Variants in CDH23 observed in about 807,000 individuals in gnomAD.
The protein encoded by CDH23 is cadherin related 23.
In CDH23, 189 loss-of-function variants were observed where a neutral mutation model predicts 317.1. That is an observed-to-expected ratio of 0.60 (90% CI 0.53 to 0.67). The LOEUF is 0.67. CDH23 is among the 30% of genes least tolerant of loss of function. The pLI, the probability that CDH23 is intolerant of heterozygous loss-of-function variation, is 0.00. For missense variants in CDH23, 4,401 were observed against 4,592.4 expected (o/e 0.96, Z 1.20); for synonymous variants, 1,839 against 1,876.8 (o/e 0.98, Z 0.52).
At chr10:71,787,453 A>G (rs1433807616) in intron 44 of CDH23, among the ~76,000 whole-genome samples, 2 of 151,532 alleles carry the variant, frequency 1.3e-5, no homozygotes, top group Admixed American at 6.6e-5. Flanking sequence ...ATTATGTCCA[A>G]TGTTCACTGA....
intron 28 of CDH23, chr10:71,717,247 G>A (rs1298164561): frequency 6.6e-6 from 1 of 152,262 alleles, no homozygotes; most frequent in Non-Finnish European, 1.5e-5. Context: ...AGTAGGGTGG[G>A]GTGGGGCAGC....
In CDH23 at chr10:71,725,508, G is replaced by T; in HGVS notation, c.3567G>T (p.Arg1189=). 6.2e-7 allele frequency: 1 copy of T among 1,613,366 alleles called. No individual in the cohort carries two copies. Among genetic ancestry groups the T allele is most frequent in the Non-Finnish European group, 8.5e-7 (1 of 1,179,646 alleles). The stretch of plus-strand genomic sequence containing the variant: ...ACAACCACGACCTGGGCCCCATGCG[G>T]AGCTCCGTCAGGGTGAGGCTAGGGG... ...EAYNHDLGPM[R]SSVRVIVYVE... is the part of the protein sequence containing the mutation. Residue 1189 remains arginine (R), a synonymous_variant, in exon 30 of 70, where the codon CGG becomes CGT. Coordinates refer to ENST00000224721, the MANE Select transcript of CDH23 (RefSeq NM_022124.6).
chr10:71,522,888 T>G (rs892569063), intron 6 of CDH23, among the ~76,000 whole-genome samples: 7 of 152,148 alleles, frequency 4.6e-5, no homozygotes, highest in African/African-American at 1.7e-4. Context: ...TCCTTCCAGT[T>G]GGTAAGAAAG....
At chr10:71,729,197 AACTT>A (rs1168399143) in intron 30 of CDH23, among the ~76,000 whole-genome samples, 1 of 152,168 alleles carries the variant, frequency 6.6e-6, no homozygotes, top group Non-Finnish European at 1.5e-5. Flanking sequence ...TCATAAAGAG[AACTT>A]AGTGCTGGTA....
chr10:71,631,333 T>C lies in CDH23; in HGVS notation c.1135-12528T>C, dbSNP rs568299012. 1.5e-3 allele frequency among the ~76,000 whole-genome samples: 234 copies of C among 152,270 alleles called. 2 individuals carry two copies. Among genetic ancestry groups the C allele is most frequent in the Non-Finnish European group, 1.1e-3 (76 of 68,034 alleles). ...ATAGAGCAGAAAGGAGACTGGGGAC[T>C]GGGCAGCCCCAGGACACCCTGATGC... On this transcript the variant is annotated intron_variant, in intron 11 of 69. Coordinates refer to ENST00000224721, the MANE Select transcript of CDH23 (RefSeq NM_022124.6).
At position 71,448,610 on chromosome 10, in the gene CDH23, C is replaced by T. The variant is rs1164055750; in HGVS notation, c.145+2215C>T. On this transcript the variant is annotated intron_variant, in intron 3 of 69. Transcript: ENST00000224721. ...TTTCACCTGAAAGTCAGGAGCCCAA[C>T]ATCTGTTTCTCGCTGTGTAACCTTG... is the stretch of plus-strand genomic sequence containing the variant. Among the ~76,000 whole-genome samples the T allele has an allele frequency of 6.6e-5, 10 of 152,322 alleles. No individual in the cohort carries two copies. The East Asian group carries it at 1.7e-3, about 26-fold the overall frequency.
At position 71,732,192 on chromosome 10, in the gene CDH23, G is replaced by A. The variant is rs376660937; in HGVS notation, c.3921G>A (p.Leu1307=). The change falls in exon 32 of 70, where the codon CTG becomes CTA. Residue 1307 remains leucine (L), a synonymous_variant. Transcript: ENST00000224721. ...TCTACATCACTCTGCTCAACGAGCT[G>A]GACGAGGCCGTGCAGTTCTCCAATG... The part of the protein sequence containing the change: ...CSVYITLLNE[L]DEAVQFSNAS... The A allele has an allele frequency of 1.1e-5, 17 of 1,613,894 alleles. No individual in the cohort carries two copies. The highest frequency in any genetic ancestry group is 6.7e-5 in the African/African-American group (5 of 75,050).
intron 14 of CDH23, among the ~76,000 whole-genome samples, chr10:71,670,156 CA>C (rs997203195): frequency 2.6e-5 from 4 of 152,208 alleles, no homozygotes; most frequent in African/African-American, 9.6e-5. Context: ...GGAGCCTCGG[CA>C]GGGGCCAGGG....
chr10:71,812,512 G>T lies in CDH23; in HGVS notation c.9413G>T (p.Arg3138Leu). The T allele has an allele frequency of 1.2e-6, 2 of 1,613,404 alleles. No homozygotes were observed. Among genetic ancestry groups the T allele is most frequent in the South Asian group, 2.2e-5 (2 of 91,084 alleles). ...CCTGTGTGGCTGGATCCCTTCTGTC[G>T]GAACCTGGAGCTGGCCGCCCAGGCG... Reference protein sequence around the residue: ...ANPVWLDPFCRNLELAAQAEH... With the variant: ...ANPVWLDPFCLNLELAAQAEH... Residue 3138 changes from arginine to leucine, a missense_variant, in exon 67 of 70, where the codon CGG becomes CTG. Arg to Leu is a moderately radical substitution (Grantham distance 102). This residue lies in a region of CDH23 where 1,144 missense variants were observed against 1,138.2 expected (regional missense o/e 1.01). Transcript: ENST00000224721.
At chr10:71,770,348 T>A (rs982360436) in intron 38 of CDH23, among the ~76,000 whole-genome samples, 1 of 152,232 alleles carries the variant, frequency 6.6e-6, no homozygotes, top group Non-Finnish European at 1.5e-5. Flanking sequence ...GAATAACTTG[T>A]CCAATATCAC....
intron 1 of CDH23, among the ~76,000 whole-genome samples, chr10:71,408,182 T>A (rs1381417835): frequency 6.6e-6 from 1 of 152,154 alleles, no homozygotes; most frequent in Non-Finnish European, 1.5e-5. Flanking sequence ...CAATTTGACA[T>A]CCATCTTTTT....
intron 6 of CDH23, among the ~76,000 whole-genome samples, chr10:71,565,089 G>A (rs1484202519): frequency 6.6e-6 from 1 of 152,124 alleles, no homozygotes; most frequent in Non-Finnish European, 1.5e-5. Context: ...CCCATGAAGT[G>A]TTTCGTTCTG....
At chr10:71,451,200 C>G (rs928168540) in intron 3 of CDH23, among the ~76,000 whole-genome samples, 12 of 152,152 alleles carry the variant, frequency 7.9e-5, no homozygotes, top group African/African-American at 2.7e-4. Flanking sequence ...ACTCCCATCA[C>G]CAAGGTCCAA....
At chr10:71,524,462 G>A (rs374686443) in intron 6 of CDH23, among the ~76,000 whole-genome samples, 7 of 152,292 alleles carry the variant, frequency 4.6e-5, no homozygotes, top group Admixed American at 2.0e-4. Flanking sequence ...GTCTGGCCTC[G>A]TCAGTCAAAG....
chr10:71,419,298 G>A (rs1801419832), intron 1 of CDH23, among the ~76,000 whole-genome samples: 1 of 152,170 alleles, frequency 6.6e-6, no homozygotes, highest in Non-Finnish European at 1.5e-5. Flanking sequence ...TGACCTTGAG[G>A]GGGAATGGAG....
intron 3 of CDH23, among the ~76,000 whole-genome samples, chr10:71,489,594 G>GGTGTGTGTGTGTGTGT (rs34392048): frequency 2.1e-5 from 3 of 139,884 alleles, no homozygotes; most frequent in Non-Finnish European, 4.6e-5. Flanking sequence ...AGTGCCTCGG[G>GGTGTGTGTGTGTGTGT]GTGTGTGTGT....
intron 3 of CDH23, among the ~76,000 whole-genome samples, chr10:71,478,901 A>G (rs1851927383): frequency 6.6e-6 from 1 of 152,222 alleles, no homozygotes; most frequent in East Asian, 1.9e-4. Flanking sequence ...TTTTTATAAG[A>G]ATGGAAAGCC....
chr10:71,697,076 G>A (rs568851237), intron 22 of CDH23, among the ~76,000 whole-genome samples: 27 of 152,356 alleles, frequency 1.8e-4, no homozygotes, highest in Non-Finnish European at 7.3e-5. Flanking sequence ...GTTGCTCTGG[G>A]AAAAGGGGGC....
intron 14 of CDH23, among the ~76,000 whole-genome samples, chr10:71,666,667 A>G (rs1020778136): frequency 6.6e-6 from 1 of 152,198 alleles, no homozygotes; most frequent in African/African-American, 2.4e-5. Context: ...CTCACACGCC[A>G]GAGAGAAGCT....
Sources: gnomAD v4.1 joint callset for allele counts (sites outside exome capture counted in the v4.1 genomes callset) on GRCh38, gnomAD v4.1.1 for gene constraint, gnomAD v4.1.1 regional missense constraint, MANE v1.5 for transcripts, NCBI Gene and HGNC (gene_info 2026-07-23, HGNC 2026-07-21) for gene names.